FAM83B: variants seen among roughly 807,000 people sequenced by gnomAD.
FAM83B encodes the protein scaffolding CK1 anchoring protein B, also known as protein FAM83B.
In FAM83B, 26 loss-of-function variants were observed where a neutral mutation model predicts 38.8. The observed-to-expected ratio is 0.67, with a 90% confidence interval of 0.49 to 0.93. The LOEUF is 0.93. Among genes scored for constraint, FAM83B ranks in the 40% least tolerant of loss-of-function variants. The pLI is 0.00. For missense variants in FAM83B, 1,237 were observed against 1,197.3 expected, an observed-to-expected ratio of 1.03 and a Z score of -0.49; for synonymous variants, 419 against 423.1, an observed-to-expected ratio of 0.99 and a Z score of 0.12.
chr6:54,919,222 G>A (rs1773116472), intron 2 of FAM83B, among the ~76,000 whole-genome samples: 1 of 151,996 alleles, frequency 6.6e-6, no homozygotes, highest in Admixed American at 6.6e-5. Flanking sequence ...TTCCTTATTA[G>A]AGCAAAAGTT....
chr6:54,883,600 T>C (rs1772194195), intron 2 of FAM83B, among the ~76,000 whole-genome samples: 1 of 151,924 alleles, frequency 6.6e-6, no homozygotes, highest in Non-Finnish European at 1.5e-5. Flanking sequence ...CCTCCCAAAG[T>C]GCTGGGATTA....
intron 2 of FAM83B, among the ~76,000 whole-genome samples, chr6:54,896,908 T>C (rs1046882971): frequency 6.6e-6 from 1 of 152,228 alleles, no homozygotes; most frequent in African/African-American, 2.4e-5. Context: ...AAATCAATTA[T>C]ATTTGTTGAA....
chr6:54,899,185 G>A (rs1772602216), intron 2 of FAM83B, among the ~76,000 whole-genome samples: 1 of 152,120 alleles, frequency 6.6e-6, no homozygotes, highest in South Asian at 2.1e-4. Context: ...GAAATCTAGA[G>A]TTAGTCATAT....
intron 2 of FAM83B, among the ~76,000 whole-genome samples, chr6:54,873,387 G>A (rs1771908971): frequency 6.6e-6 from 1 of 152,062 alleles, no homozygotes; most frequent in Admixed American, 6.6e-5. Context: ...CTTATAACTG[G>A]ACATGGTCCT....
intron 2 of FAM83B, among the ~76,000 whole-genome samples, chr6:54,878,997 A>G (rs1298516441): frequency 1.3e-5 from 2 of 152,148 alleles, no homozygotes; most frequent in African/African-American, 4.8e-5. Flanking sequence ...CGACTTCAAC[A>G]TTTTTTGCCT....
chr6:54,892,829 C>CT (rs1772437812), intron 2 of FAM83B, among the ~76,000 whole-genome samples: 2 of 152,100 alleles, frequency 1.3e-5, no homozygotes, highest in African/African-American at 2.4e-5. Flanking sequence ...TTGTCTCCCT[C>CT]TTAAGTGCGG....
At chr6:54,851,367 G>C (rs962014031) in intron 1 of FAM83B, among the ~76,000 whole-genome samples, 2 of 147,878 alleles carry the variant, frequency 1.4e-5, no homozygotes, top group Admixed American at 6.8e-5. Context: ...TTTTTTTCCC[G>C]TTCATCTTTC....
Position 54,941,744 on chromosome 6 carries a change from C to T in FAM83B, c.2773C>T (p.Arg925Ter), listed in dbSNP as rs1773702780. ...AAGGCCAACGTCCAGTGAGCTTCTA[C>T]GATCTCATTCAACTGATCGGCGTGT... ...SPRPTSSELL[R>*]SHSTDRRVYS... Residue 925 changes from arginine (R) to a stop codon, truncating the protein, a stop_gained, in exon 5 of 5, where the codon CGA becomes TGA. Transcript: ENST00000306858. LOFTEE classifies it high-confidence loss of function. 1 of 1,614,112 alleles carries T rather than the reference C, an allele frequency of 6.2e-7. No homozygotes were observed. Among genetic ancestry groups the T allele is most frequent in the Non-Finnish European group, 8.5e-7 (1 of 1,180,022 alleles).
rs1773642089 is a variant in FAM83B, at chr6:54,940,355, A to G, written c.1384A>G (p.Asn462Asp). 2 of 1,614,088 alleles carry G rather than the reference A, an allele frequency of 1.2e-6. No individual in the cohort carries two copies. Among genetic ancestry groups the G allele is most frequent in the Non-Finnish European group, 1.7e-6 (2 of 1,180,016 alleles). ...KTTNLADRNS[N>D]VRRSFNGTDN... is the part of the protein sequence containing the mutation. ...AACAAATCTTGCAGACAGGAATTCA[A>G]ATGTTCGGAGGTCTTTTAATGGGAC... Residue 462 changes from asparagine to aspartate, a missense_variant, in exon 5 of 5, where the codon AAT becomes GAT. Asn to Asp is a conservative substitution (Grantham distance 23). Coordinates refer to ENST00000306858, the MANE Select transcript of FAM83B (RefSeq NM_001010872.3).
Position 54,870,342 on chromosome 6 carries a change from T to G in FAM83B, c.96T>G (p.Ile32Met). 6.2e-7 allele frequency: 1 copy of G among 1,613,986 alleles called. No individual in the cohort carries two copies. The highest frequency in any genetic ancestry group is 1.1e-5 in the South Asian group (1 of 91,082). Residue 32 changes from isoleucine (I) to methionine (M), a missense_variant, in exon 2 of 5, where the codon ATT (isoleucine) becomes ATG (methionine). Coordinates refer to ENST00000306858, the MANE Select transcript of FAM83B (RefSeq NM_001010872.3). The stretch of plus-strand genomic sequence containing the variant: ...ACAAGGAATGGTATCGAGTAGCCAT[T>G]GATATTCTGATTGAACACGGGTTAG... The part of the protein sequence containing the change: ...PHYKEWYRVA[I>M]DILIEHGLEA...
chr6:54,851,064 T>G (rs1036857429), intron 1 of FAM83B, among the ~76,000 whole-genome samples: 1 of 151,654 alleles, frequency 6.6e-6, no homozygotes, highest in African/African-American at 2.4e-5. Context: ...CAAATGTAAC[T>G]TCTGACTTAT....
At chr6:54,849,306 GA>G (rs2127570419) in intron 1 of FAM83B, among the ~76,000 whole-genome samples, 1 of 152,316 alleles carries the variant, frequency 6.6e-6, no homozygotes, top group Admixed American at 6.5e-5. Context: ...GCACTGTCTA[GA>G]AGTATCCTGG....
At position 54,927,728 on chromosome 6, in the gene FAM83B, TAAAAAAAAAAAA is replaced by T. The variant is rs1049777485; in HGVS notation, c.734+111_734+122del. On this transcript the variant is annotated intron_variant, in intron 4 of 4. Coordinates refer to ENST00000306858, the MANE Select transcript of FAM83B (RefSeq NM_001010872.3). ...AATCAGTTAAGCTTTTTCTTAAAAGTAAAAAAAAAAAAAAAAAAAAAAAAAAGAGAACACTTG... is the reference window on the plus strand; with the variant it reads ...AATCAGTTAAGCTTTTTCTTAAAAGTAAAAAAAAAAAAAAGAGAACACTTG... The T allele has an allele frequency of 7.1e-4, 70 of 99,144 alleles. 3 individuals carry two copies. Among genetic ancestry groups the T allele is most frequent in the South Asian group, 1.9e-3 (5 of 2,614 alleles). The allele number at this position is 99,144 out of a possible 1,614,324, so 6.1% of individuals were successfully genotyped here.
At chr6:54,922,110 A>G (rs1048460375) in intron 2 of FAM83B, among the ~76,000 whole-genome samples, 2 of 152,016 alleles carry the variant, frequency 1.3e-5, no homozygotes, top group East Asian at 1.9e-4. Context: ...AAAGACTGTC[A>G]TTTGTTCTGC....
intron 1 of FAM83B, among the ~76,000 whole-genome samples, chr6:54,856,043 T>C (rs1771438825): frequency 6.6e-6 from 1 of 152,198 alleles, no homozygotes; most frequent in African/African-American, 2.4e-5. Context: ...GCCAAGGTCT[T>C]TTCACTTAAG....
chr6:54,902,314 G>T (rs763363219), intron 2 of FAM83B, among the ~76,000 whole-genome samples: 1 of 152,020 alleles, frequency 6.6e-6, no homozygotes, highest in Non-Finnish European at 1.5e-5. Flanking sequence ...TCAGCCTCCC[G>T]AGTAGCTGGG....
intron 1 of FAM83B, among the ~76,000 whole-genome samples, chr6:54,850,512 T>A (rs533958815): frequency 1.3e-5 from 2 of 152,326 alleles, no homozygotes; most frequent in Admixed American, 6.5e-5. Flanking sequence ...CTTCTTTGAT[T>A]ACATAAACAT....
chr6:54,865,185 A>G (rs1771670127), intron 1 of FAM83B, among the ~76,000 whole-genome samples: 1 of 152,186 alleles, frequency 6.6e-6, no homozygotes, highest in South Asian at 2.1e-4. Context: ...TCTGAAGTCT[A>G]GATGTTTGGA....
intron 2 of FAM83B, among the ~76,000 whole-genome samples, chr6:54,920,613 A>T (rs1443610998): frequency 6.6e-6 from 1 of 151,972 alleles, no homozygotes; most frequent in African/African-American, 2.4e-5. Context: ...AAAATAGTGA[A>T]GCATATTTGT....
Sources: gnomAD v4.1 joint callset for allele counts (sites outside exome capture counted in the v4.1 genomes callset) on GRCh38, gnomAD v4.1.1 for gene constraint, MANE v1.5 for transcripts, NCBI Gene and HGNC (gene_info 2026-07-23, HGNC 2026-07-21) for gene names.